Variants in SCYL3 observed in about 807,000 individuals in gnomAD.
SCYL3 encodes the protein protein-associating with the carboxyl-terminal domain of ezrin.
Under a neutral mutation model 73.8 loss-of-function variants are expected in SCYL3, and 35 were observed. That is an observed-to-expected ratio of 0.47 (90% confidence interval 0.36 to 0.63). The LOEUF (loss-of-function observed/expected upper bound fraction) is 0.63. SCYL3 is among the 20% of genes least tolerant of loss of function. The pLI, the probability that SCYL3 is intolerant of heterozygous loss-of-function variation, is 0.00. For synonymous variants in SCYL3, 277 were observed against 295.2 expected (o/e 0.94, Z 0.63); for missense variants, 712 against 798.9 (o/e 0.89, Z 1.31).
intron 11 of SCYL3, among the ~76,000 whole-genome samples, chr1:169,855,486 G>A (rs1659048399): frequency 6.6e-6 from 1 of 152,050 alleles, no homozygotes; most frequent in African/African-American, 2.4e-5. Flanking sequence ...TTCACAACAC[G>A]CCCATTAACA....
At chr1:169,865,182 G>A (rs138889690) in intron 8 of SCYL3, among the ~76,000 whole-genome samples, 1 of 152,112 alleles carries the variant, frequency 6.6e-6, no homozygotes, top group African/African-American at 2.4e-5. Flanking sequence ...CAAAACATAG[G>A]CTTTTGTCAC....
intron 1 of SCYL3, among the ~76,000 whole-genome samples, chr1:169,891,498 A>G (rs1453784681): frequency 6.6e-6 from 1 of 152,222 alleles, no homozygotes; most frequent in African/African-American, 2.4e-5. Context: ...TCCTGCCTGA[A>G]AAGCCAGTCA....
intron 8 of SCYL3, among the ~76,000 whole-genome samples, chr1:169,865,412 G>C (rs1455451829): frequency 1.3e-5 from 2 of 152,042 alleles, no homozygotes; most frequent in African/African-American, 4.8e-5. Flanking sequence ...CTCCCTTCTA[G>C]TTATTAAGGA....
At chr1:169,889,351 A>G (rs1661899203) in intron 1 of SCYL3, among the ~76,000 whole-genome samples, 1 of 152,230 alleles carries the variant, frequency 6.6e-6, no homozygotes, top group Non-Finnish European at 1.5e-5. Context: ...CATGGTTTTA[A>G]TATTAATATG....
chr1:169,876,513 G>C (rs1334978709), intron 3 of SCYL3, among the ~76,000 whole-genome samples: 2 of 152,106 alleles, frequency 1.3e-5, no homozygotes, highest in Non-Finnish European at 2.9e-5. Context: ...TGCTCACATA[G>C]GTTATTTTAT....
At chr1:169,882,836 C>T (rs909160411) in intron 2 of SCYL3, among the ~76,000 whole-genome samples, 1 of 152,218 alleles carries the variant, frequency 6.6e-6, no homozygotes, top group Middle Eastern at 3.4e-3. Flanking sequence ...GGATTGTAAA[C>T]GCACAAATCA....
rs958446268 is a variant in SCYL3, at chr1:169,859,160, T to C, written c.1193A>G (p.His398Arg). The change falls in exon 11 of 13, where the codon CAT becomes CGT. Residue 398 changes from histidine to arginine, a missense_variant. Coordinates refer to ENST00000367771, the MANE Select transcript of SCYL3 (RefSeq NM_020423.7). ...CAGAGAGACCAGCACTGCTAGGCTA[T>C]GCAGAGTAATTGCCACAATGGAATC... is the stretch of plus-strand genomic sequence containing the variant. ...TSDSIVAITLHSLAVLVSLLG... is the reference protein window; with the variant it reads ...TSDSIVAITLRSLAVLVSLLG... 1 of 1,613,866 alleles carries C rather than the reference T, an allele frequency of 6.2e-7. No homozygotes were observed. The highest frequency in any genetic ancestry group is 8.5e-7 in the Non-Finnish European group (1 of 1,179,940).
At chr1:169,893,301 A>C (rs1002185097) in intron 1 of SCYL3, among the ~76,000 whole-genome samples, 8 of 152,086 alleles carry the variant, frequency 5.3e-5, no homozygotes, top group Admixed American at 3.9e-4. Context: ...CTGGTCTTGG[A>C]TCAAGAATGA....
intron 2 of SCYL3, among the ~76,000 whole-genome samples, chr1:169,887,325 G>C (rs1174505152): frequency 6.9e-6 from 1 of 144,540 alleles, no homozygotes; most frequent in African/African-American, 2.5e-5. Context: ...AAAATGGAGA[G>C]TGGTCTTGCT....
At chr1:169,869,973 A>G (rs1660281249) in intron 6 of SCYL3, among the ~76,000 whole-genome samples, 1 of 152,254 alleles carries the variant, frequency 6.6e-6, no homozygotes, top group South Asian at 2.1e-4. Context: ...GTCTACATTT[A>G]GACCGCTTAA....
At chr1:169,889,324 CTT>C (rs957835272) in intron 1 of SCYL3, among the ~76,000 whole-genome samples, 9 of 151,944 alleles carry the variant, frequency 5.9e-5, no homozygotes, top group African/African-American at 2.2e-4. Flanking sequence ...TTGGAGAATA[CTT>C]ATAATGAGGA....
intron 2 of SCYL3, among the ~76,000 whole-genome samples, chr1:169,884,359 G>A (rs1373886351): frequency 2.0e-5 from 3 of 151,924 alleles, no homozygotes; most frequent in Non-Finnish European, 4.4e-5. Flanking sequence ...GTGCAATGGC[G>A]TGTTCTCAGC....
intron 2 of SCYL3, among the ~76,000 whole-genome samples, chr1:169,882,581 G>A (rs143013434): frequency 1.3e-5 from 2 of 152,214 alleles, no homozygotes; most frequent in African/African-American, 4.8e-5. Context: ...TCCTGAGTCT[G>A]GTGGGGACGT....
In SCYL3 at chr1:169,866,931, T is replaced by C. The variant is rs776908697; in HGVS notation, c.780A>G (p.Thr260=). The C allele has an allele frequency of 6.3e-7, 1 of 1,586,870 alleles. No homozygotes were observed. The highest frequency in any genetic ancestry group is 8.6e-7 in the Non-Finnish European group (1 of 1,164,716). The change falls in exon 8 of 13, where the codon ACA becomes ACG. Residue 260 remains threonine, a synonymous_variant. Coordinates refer to ENST00000367771, the MANE Select transcript of SCYL3 (RefSeq NM_020423.7). ...LEVVNFLKSL[T]LKSEEEKTEF... is the part of the protein sequence containing the mutation. ...CCGTTTTCTCCTCTTCACTCTTCAA[T>C]GTTAAACTTTTCAAGAAATTCACAA...
At chr1:169,861,076 C>CCAGACA (rs2102147068) in intron 10 of SCYL3, among the ~76,000 whole-genome samples, 1 of 152,324 alleles carries the variant, frequency 6.6e-6, no homozygotes, top group South Asian at 2.1e-4. Flanking sequence ...TTCTAAATTT[C>CCAGACA]CAGACACAAC....
chr1:169,855,074 A>G, intron 11 of SCYL3, 110 bp from the exon 12 acceptor site: 1 of 717,484 alleles, frequency 1.4e-6, no homozygotes, highest in Non-Finnish European at 2.2e-6. Context: ...TTACTTGGAA[A>G]TATCCATGCA....
In SCYL3 at chr1:169,854,379, G is replaced by A. The variant is rs1571373999; in HGVS notation, c.1898C>T (p.Ala633Val). The A allele has an allele frequency of 6.2e-7, 1 of 1,614,014 alleles. No homozygotes were observed. Among genetic ancestry groups the A allele is most frequent in the Non-Finnish European group, 8.5e-7 (1 of 1,179,924 alleles). Residue 633 changes from alanine (A) to valine (V), a missense_variant, in exon 12 of 13, where the codon GCT (alanine) becomes GTT (valine). By Grantham distance (64) the Ala-to-Val change is moderately conservative (BLOSUM62 0). Transcript: ENST00000367771. ...CAGTTCAGGTAATATAAGAAAAGCA[G>A]CAGAAGGCTTAATTTCTGGGATCAT... ...ADMIPEIKPS[A>V]AFLILPELRT...
In SCYL3 at chr1:169,853,879, A is replaced by G. The variant is rs1658770377; in HGVS notation, c.2008-107T>C. On this transcript the variant is annotated intron_variant, in intron 12 of 12. Transcript: ENST00000367771. ...TTTAAAATTTATCTTTTGATGCCAG[A>G]AACACTACCTCGTACTAAGTAAAAT... 4.0e-6 allele frequency: 5 copies of G among 1,235,082 alleles called. No homozygotes were observed. In the South Asian group the frequency reaches 4.9e-5, roughly 12 times the overall value. 76.5% of individuals were successfully genotyped at this position (1,235,082 alleles called of 1,614,324 possible).
In SCYL3 at chr1:169,877,128, A is replaced by AT. The variant is rs150982351; in HGVS notation, c.352-1038dup. Among the ~76,000 whole-genome samples, 1,500 of 152,286 alleles carry AT rather than the reference A, an allele frequency of 9.8e-3. 19 individuals carry two copies. The highest frequency in any genetic ancestry group is 0.02 in the African/African-American group (819 of 41,558). On this transcript the variant is annotated intron_variant, in intron 3 of 12. Coordinates refer to ENST00000367771, the MANE Select transcript of SCYL3 (RefSeq NM_020423.7). ...CCCCAAACCAAAAATCATTTCAGTGATAAAAAAGTATGTTTAAAGTTATTA... is the reference window on the plus strand; with the variant it reads ...CCCCAAACCAAAAATCATTTCAGTGATTAAAAAAGTATGTTTAAAGTTATTA...
Sources: allele counts gnomAD v4.1 joint callset (sites outside exome capture counted in the v4.1 genomes callset), GRCh38; gene constraint gnomAD v4.1.1; transcripts MANE v1.5; gene names NCBI Gene and HGNC (gene_info 2026-07-23, HGNC 2026-07-21).